The following USP14 variants were observed in gnomAD, a reference collection of about 807,000 sequenced individuals.
USP14 encodes ubiquitin carboxyl-terminal hydrolase 14.
Under a neutral mutation model 76.5 loss-of-function variants are expected in USP14, and 38 were observed. That is an observed-to-expected ratio of 0.50 (90% CI 0.38 to 0.65). The LOEUF (loss-of-function observed/expected upper bound fraction) is 0.65. USP14 is among the 30% of genes least tolerant of loss of function. The probability of loss-of-function intolerance (pLI) is 0.00; values close to 1 mark genes in which losing one functional copy is unlikely to be tolerated. For synonymous variants in USP14, 192 were observed against 191.7 expected, an observed-to-expected ratio of 1.00 and a Z score of -0.01; for missense variants, 467 against 586.5, an observed-to-expected ratio of 0.80 and a Z score of 2.10.
At chr18:169,441 C>G (rs7238463) in intron 3 of USP14, among the ~76,000 whole-genome samples, 4 of 149,396 alleles carry the variant, frequency 2.7e-5, no homozygotes, top group African/African-American at 9.9e-5. Context: ...AAGACCGTTA[C>G]ATTTTGTTAA....
intron 6 of USP14, among the ~76,000 whole-genome samples, chr18:195,648 T>C (rs1340931729): frequency 6.6e-6 from 1 of 152,186 alleles, no homozygotes; most frequent in African/African-American, 2.4e-5. Context: ...TAGTTTTGGT[T>C]CTTAGCTGTC....
Position 207,700 on chromosome 18 carries a change from C to CT in USP14, c.1165-2269dup, listed in dbSNP as rs1342988656. ...TCTCAAAAAATAAAAAGTATTAAGTCTTACAATCCATAAACTTCATGTGTC... is the reference window on the plus strand; with the variant it reads ...TCTCAAAAAATAAAAAGTATTAAGTCTTTACAATCCATAAACTTCATGTGTC... On this transcript the variant is annotated intron_variant, in intron 13 of 15. Transcript: ENST00000261601. Among the ~76,000 whole-genome samples the CT allele has an allele frequency of 1.9e-5, 2 of 105,854 alleles. 1 individual carries two copies. The highest frequency in any genetic ancestry group is 4.9e-5 in the Non-Finnish European group (2 of 40,614). 69.4% of individuals were successfully genotyped at this position (105,854 alleles called of 152,430 possible).
chr18:204,724 A>G (rs1910480782), intron 13 of USP14, 32 bp downstream of exon 13: 3 of 1,598,718 alleles, frequency 1.9e-6, no homozygotes, highest in Admixed American at 3.7e-5. Flanking sequence ...TATACTCTTA[A>G]TATCTTAATC....
chr18:211,365 A>G lies in USP14; in HGVS notation c.*81A>G. Reference sequence around the variant, plus strand: ...TTCTATAATCCAGAGCTTTAGAGGAAGACACATAGGTGGGTTTATGTTTCA... The same window carrying G: ...TTCTATAATCCAGAGCTTTAGAGGAGGACACATAGGTGGGTTTATGTTTCA... On this transcript the variant is annotated 3_prime_UTR_variant, in exon 16 of 16. Transcript: ENST00000261601. 6.8e-7 allele frequency: 1 copy of G among 1,464,846 alleles called. No individual in the cohort carries two copies. Among genetic ancestry groups the G allele is most frequent in the Non-Finnish European group, 9.2e-7 (1 of 1,082,312 alleles). The allele number at this position is 1,464,846 out of a possible 1,614,324, so 90.7% of individuals were successfully genotyped here. A position where few individuals can be genotyped will look rare whatever the true frequency, so the allele number is the denominator to read the frequency against.
chr18:186,042 TGACAAA>T (rs202190126), intron 5 of USP14, among the ~76,000 whole-genome samples: 3,941 of 152,188 alleles, frequency 0.026, 91 homozygotes, highest in South Asian at 0.041. Context: ...AACTTGTTCT[TGACAAA>T]AAAATTTTAA....
At chr18:208,100 AT>A (rs1301662659) in intron 13 of USP14, among the ~76,000 whole-genome samples, 26 of 151,192 alleles carry the variant, frequency 1.7e-4, no homozygotes, top group African/African-American at 6.1e-4. Flanking sequence ...ATTTTATTTT[AT>A]TTTTATTTAT....
At chr18:187,802 A>G (rs780758880) in intron 5 of USP14, among the ~76,000 whole-genome samples, 3 of 152,188 alleles carry the variant, frequency 2.0e-5, no homozygotes, top group Non-Finnish European at 2.9e-5. Flanking sequence ...CTTATATTCT[A>G]TGAAAATTTT....
intron 10 of USP14, 125 bp downstream of exon 10, chr18:199,441 T>A: frequency 1.5e-6 from 1 of 645,354 alleles, no homozygotes; most frequent in South Asian, 2.1e-5. Context: ...GCATTTTGAG[T>A]TGCCCGATAC....
At chr18:207,994 G>A (rs1910573934) in intron 13 of USP14, among the ~76,000 whole-genome samples, 1 of 152,058 alleles carries the variant, frequency 6.6e-6, no homozygotes, top group African/African-American at 2.4e-5. Flanking sequence ...AAGAGATTAT[G>A]TAGAATTGGT....
rs1173671807 is a variant in USP14, at chr18:212,613, GA to G, written c.*1335del. 1.1e-4 allele frequency: 16 copies of G among 151,268 alleles called. No homozygotes were observed. Among genetic ancestry groups the G allele is most frequent in the Non-Finnish European group, 1.5e-5 (1 of 67,858 alleles). The allele number at this position is 151,268 out of a possible 1,614,324, so 9.4% of individuals were successfully genotyped here. On this transcript the variant is annotated 3_prime_UTR_variant, in exon 16 of 16. Transcript: ENST00000261601. ...AGAGACTCTGTCTCAAAAAAAAAAA[GA>G]AAAAATTCCCAAATCTTAATGTCTG...
intron 5 of USP14, among the ~76,000 whole-genome samples, chr18:189,480 G>C (rs1308921186): frequency 6.6e-6 from 1 of 151,174 alleles, no homozygotes; most frequent in Non-Finnish European, 1.5e-5. Context: ...AGTTTTGTTT[G>C]TTTTTTCTTT....
rs1215317242 is a variant in USP14 at position 178,930 on chromosome 18, CAG to C, written c.196-2_196-1del. 6.3e-7 allele frequency: 1 copy of C among 1,591,094 alleles called. No individual in the cohort carries two copies. The highest frequency in any genetic ancestry group is 2.2e-5 in the East Asian group (1 of 44,606). On this transcript the variant is annotated splice_acceptor_variant, in intron 3 of 15. Transcript: ENST00000261601. LOFTEE classifies it high-confidence loss of function. ...TTCATGAAATTACTTTTTTTAAAAA[CAG>C]GGAATGACTCTACTAATGATGGGGT...
At chr18:167,953 T>TC (rs1283939005) in intron 3 of USP14, among the ~76,000 whole-genome samples, 13 of 149,658 alleles carry the variant, frequency 8.7e-5, no homozygotes, top group East Asian at 8.3e-4. Context: ...TTTTTTTTTT[T>TC]TGAGACAGAG....
chr18:211,168 A>G lies in USP14; in HGVS notation c.1369A>G (p.Ile457Val), dbSNP rs1910659246. The change falls in exon 16 of 16, where the codon ATC (isoleucine) becomes GTC (valine). Residue 457 changes from isoleucine to valine, a missense_variant. Coordinates refer to ENST00000261601, the MANE Select transcript of USP14 (RefSeq NM_005151.4). The stretch of plus-strand genomic sequence containing the variant: ...TAAGTTTGATGATGACAAAGTCAGC[A>G]TCGTAACACCAGAAGATATCTTACG... ...WIKFDDDKVSIVTPEDILRLS... is the reference protein window; with the variant it reads ...WIKFDDDKVSVVTPEDILRLS... The G allele has an allele frequency of 6.2e-7, 1 of 1,613,908 alleles. No homozygotes were observed. Among genetic ancestry groups the G allele is most frequent in the African/African-American group, 1.3e-5 (1 of 74,928 alleles).
rs1028933836 is a variant in USP14, at chr18:173,657, A to C, written c.196-5276A>C. 3.4e-5 allele frequency among the ~76,000 whole-genome samples: 5 copies of C among 147,616 alleles called. No individual in the cohort carries two copies. In the East Asian group the frequency reaches 1.0e-3, roughly 31 times the overall value. ...AGGCTGGTCTTGAACTCCTGACCTC[A>C]GGTGATCCGCCCACCTCGGCCTCCC... On this transcript the variant is annotated intron_variant, in intron 3 of 15. Transcript: ENST00000261601.
Position 199,209 on chromosome 18 carries a change from T to G in USP14, c.769T>G (p.Cys257Gly), listed in dbSNP as rs1166805694. The G allele has an allele frequency of 6.2e-7, 1 of 1,611,260 alleles. No individual in the cohort carries two copies. Among genetic ancestry groups the G allele is most frequent in the Non-Finnish European group, 8.5e-7 (1 of 1,177,554 alleles). Residue 257 changes from cysteine (C) to glycine (G), a missense_variant, in exon 10 of 16, where the codon TGT (cysteine) becomes GGT (glycine). Cys to Gly is a radical substitution (Grantham distance 159). Coordinates refer to ENST00000261601, the MANE Select transcript of USP14 (RefSeq NM_005151.4). The stretch of plus-strand genomic sequence containing the variant: ...TTATCTTAGTTTACAAAGCATGAAA[T>G]GTACAGAATCTGAAGAAGAAGAAGT... Reference protein sequence around the residue: ...FGVEFETTMKCTESEEEEVTK... With the variant: ...FGVEFETTMKGTESEEEEVTK...
intron 5 of USP14, among the ~76,000 whole-genome samples, chr18:191,157 T>C (rs1427170448): frequency 6.6e-6 from 1 of 152,162 alleles, no homozygotes; most frequent in East Asian, 1.9e-4. Flanking sequence ...AAAATGCCTT[T>C]TAAGAAGTTG....
rs1424799708 is a variant in USP14 at position 212,916 on chromosome 18, T to C, written c.*1632T>C. On this transcript the variant is annotated 3_prime_UTR_variant, in exon 16 of 16. Coordinates refer to ENST00000261601, the MANE Select transcript of USP14 (RefSeq NM_005151.4). ...CAACACTGATGATAACTATTAAAAA[T>C]AGAAAATAACAGCCATTTTACTTTC... is the stretch of plus-strand genomic sequence containing the variant. The C allele has an allele frequency of 3.3e-5, 5 of 152,200 alleles. No homozygotes were observed. The East Asian group carries it at 9.6e-4, about 29-fold the overall frequency. 9.4% of individuals were successfully genotyped at this position (152,200 alleles called of 1,614,324 possible). A position where few individuals can be genotyped will look rare whatever the true frequency, so the allele number is the denominator to read the frequency against.
At chr18:186,923 A>T (rs1015905454) in intron 5 of USP14, among the ~76,000 whole-genome samples, 5 of 152,146 alleles carry the variant, frequency 3.3e-5, no homozygotes, top group African/African-American at 9.7e-5. Context: ...ATCTTGATGC[A>T]TAGGATTCTT....
Sources: allele counts gnomAD v4.1 joint callset (sites outside exome capture counted in the v4.1 genomes callset), GRCh38; gene constraint gnomAD v4.1.1; transcripts MANE v1.5; gene names NCBI Gene and HGNC (gene_info 2026-07-23, HGNC 2026-07-21).